Variants in JAZF1 observed in about 807,000 individuals in gnomAD.
The protein encoded by JAZF1 is JAZF zinc finger 1, also known as juxtaposed with another zinc finger protein 1.
JAZF1 carries 8 observed loss-of-function variants against 26.4 expected under a neutral mutation model. The ratio of observed to expected loss-of-function variants is 0.30; its 90% CI spans 0.18 to 0.55. JAZF1 has a LOEUF of 0.55. Ranked by LOEUF, JAZF1 falls within the 20% of genes least tolerant of loss-of-function variation. JAZF1 has a pLI of 0.94. For missense variants in JAZF1, 199 were observed against 322.0 expected (o/e 0.62, Z 2.92); for synonymous variants, 126 against 122.3 (o/e 1.03, Z -0.20).
At position 28,053,413 on chromosome 7, in the gene JAZF1, G is replaced by A. The variant is rs186392816; in HGVS notation, c.116-61432C>T. Among the ~76,000 whole-genome samples the A allele has an allele frequency of 5.5e-4, 83 of 152,212 alleles. 1 individual carries two copies. Among genetic ancestry groups the A allele is most frequent in the Admixed American group, 8.5e-4 (13 of 15,274 alleles). On this transcript the variant is annotated intron_variant, in intron 1 of 4. Coordinates refer to ENST00000283928, the MANE Select transcript of JAZF1 (RefSeq NM_175061.4). ...AACATGTTTTCTATAATGTTTTGTGGAACTGTTTTCCATAATGGCTGTACT... is the reference window on the plus strand; with the variant it reads ...AACATGTTTTCTATAATGTTTTGTGAAACTGTTTTCCATAATGGCTGTACT...
chr7:27,900,597 G>T (rs1784147967), intron 2 of JAZF1, among the ~76,000 whole-genome samples: 1 of 152,056 alleles, frequency 6.6e-6, no homozygotes, highest in African/African-American at 2.4e-5. Context: ...ACCTTCTAGT[G>T]ATTATTATTT....
At chr7:28,065,528 A>ATG in intron 1 of JAZF1, among the ~76,000 whole-genome samples, 1 of 152,230 alleles carries the variant, frequency 6.6e-6, no homozygotes, top group African/African-American at 2.4e-5. Context: ...CAAGCAGACC[A>ATG]TAAATGTCAC....
chr7:28,175,447 T>C (rs941808801), intron 1 of JAZF1, among the ~76,000 whole-genome samples: 1 of 152,222 alleles, frequency 6.6e-6, no homozygotes, highest in Non-Finnish European at 1.5e-5. Flanking sequence ...AGACAACTTA[T>C]TATTGTAGAT....
chr7:27,928,697 A>G (rs1440480952), intron 2 of JAZF1, among the ~76,000 whole-genome samples: 1 of 152,204 alleles, frequency 6.6e-6, no homozygotes, highest in African/African-American at 2.4e-5. Flanking sequence ...ACATAAAACC[A>G]AATACTGCGT....
At chr7:27,988,439 A>G (rs976251316) in intron 2 of JAZF1, among the ~76,000 whole-genome samples, 4 of 149,364 alleles carry the variant, frequency 2.7e-5, no homozygotes, top group Admixed American at 6.7e-5. Flanking sequence ...CAGTGGTGCC[A>G]TCGTAGCTCA....
intron 2 of JAZF1, among the ~76,000 whole-genome samples, chr7:27,917,377 A>G (rs1161172543): frequency 6.6e-6 from 1 of 152,152 alleles, no homozygotes; most frequent in African/African-American, 2.4e-5. Flanking sequence ...ACTATATCAC[A>G]ATATTGTTTA....
chr7:28,146,072 C>T (rs969344810), intron 1 of JAZF1, among the ~76,000 whole-genome samples: 13 of 152,118 alleles, frequency 8.5e-5, no homozygotes, highest in African/African-American at 1.4e-4. Context: ...ATTGACTTTC[C>T]TTGATTTTGT....
At chr7:28,143,217 C>T (rs1198953462) in intron 1 of JAZF1, among the ~76,000 whole-genome samples, 2 of 152,172 alleles carry the variant, frequency 1.3e-5, no homozygotes, top group African/African-American at 4.8e-5. Context: ...TGCCTCTAGC[C>T]TTGTAGTGCT....
At chr7:27,908,477 G>C (rs559553024) in intron 2 of JAZF1, among the ~76,000 whole-genome samples, 1 of 152,014 alleles carries the variant, frequency 6.6e-6, no homozygotes, top group Non-Finnish European at 1.5e-5. Context: ...GCCTTTTGTT[G>C]CAAGAGTTCA....
At chr7:28,114,390 G>A (rs1316735182) in intron 1 of JAZF1, among the ~76,000 whole-genome samples, 5 of 151,788 alleles carry the variant, frequency 3.3e-5, no homozygotes, top group Non-Finnish European at 5.9e-5. Context: ...TGGTGCTACT[G>A]ACATCTCTGC....
intron 1 of JAZF1, among the ~76,000 whole-genome samples, chr7:28,116,699 CAGTCTCCCAAAGTGCTGGGATT>C (rs1319023699): frequency 1.3e-5 from 2 of 152,180 alleles, no homozygotes; most frequent in Non-Finnish European, 2.9e-5. Flanking sequence ...CCACCTGCCT[CAGTCTCCCAAAGTGCTGGGATT>C]ACAGGCGTGA....
intron 1 of JAZF1, among the ~76,000 whole-genome samples, chr7:28,029,191 A>G (rs183775678): frequency 2.6e-5 from 4 of 152,284 alleles, no homozygotes; most frequent in Admixed American, 2.0e-4. Context: ...CACAGGACTC[A>G]TTCTTGTGAT....
intron 1 of JAZF1, among the ~76,000 whole-genome samples, chr7:28,124,374 C>T (rs1288336537): frequency 6.6e-6 from 1 of 152,242 alleles, no homozygotes; most frequent in East Asian, 1.9e-4. Flanking sequence ...TTAACGCCAA[C>T]TGGCCTGTGA....
chr7:27,858,890 T>G (rs1363730144), intron 3 of JAZF1, among the ~76,000 whole-genome samples: 2 of 152,168 alleles, frequency 1.3e-5, no homozygotes, highest in Non-Finnish European at 2.9e-5. Flanking sequence ...GGGATCTAAT[T>G]AAACTAAAGA....
At chr7:28,023,757 T>C (rs552789699) in intron 1 of JAZF1, among the ~76,000 whole-genome samples, 1 of 152,178 alleles carries the variant, frequency 6.6e-6, no homozygotes, top group Non-Finnish European at 1.5e-5. Flanking sequence ...TGGACAGTTT[T>C]AGTAAGAGAG....
chr7:28,148,454 A>C (rs761526730), intron 1 of JAZF1, among the ~76,000 whole-genome samples: 7 of 152,106 alleles, frequency 4.6e-5, no homozygotes, highest in Non-Finnish European at 8.8e-5. Flanking sequence ...TATTGAACCA[A>C]TCCTCTCTCA....
intron 1 of JAZF1, among the ~76,000 whole-genome samples, chr7:28,063,934 A>G (rs909043616): frequency 3.3e-5 from 5 of 152,316 alleles, no homozygotes; most frequent in Middle Eastern, 3.4e-3. Context: ...TGTGAAAGTT[A>G]CCAAAATGGA....
At chr7:28,099,385 T>G (rs1784433959) in intron 1 of JAZF1, among the ~76,000 whole-genome samples, 1 of 151,762 alleles carries the variant, frequency 6.6e-6, no homozygotes, top group Non-Finnish European at 1.5e-5. Flanking sequence ...TTTTTACAGC[T>G]AATAAATTCC....
intron 2 of JAZF1, among the ~76,000 whole-genome samples, chr7:27,898,311 GTTTTTT>G (rs370764659): frequency 0.38 from 42,683 of 111,340 alleles, 7,317 homozygotes; most frequent in Admixed American, 0.51. Flanking sequence ...ATATACATCG[GTTTTTT>G]TTTTTTTTTT....
Sources: gnomAD v4.1 joint callset for allele counts (sites outside exome capture counted in the v4.1 genomes callset) on GRCh38, gnomAD v4.1.1 for gene constraint, MANE v1.5 for transcripts, NCBI Gene and HGNC (gene_info 2026-07-23, HGNC 2026-07-21) for gene names.